The following ADAMTSL3 variants were observed in gnomAD, a reference collection of about 807,000 sequenced individuals.
The protein encoded by ADAMTSL3 is ADAMTS like 3.
In ADAMTSL3, 128 loss-of-function variants were observed where a neutral mutation model predicts 201.7. The observed-to-expected ratio is 0.63, with a 90% CI of 0.55 to 0.73. The LOEUF is 0.73. Among genes scored for constraint, ADAMTSL3 ranks in the 30% least tolerant of loss-of-function variants. ADAMTSL3 has a pLI of 0.00. For missense variants in ADAMTSL3, 1,990 were observed against 2,119.6 expected (o/e 0.94, Z 1.20); for synonymous variants, 738 against 748.4 (o/e 0.99, Z 0.23).
intron 6 of ADAMTSL3, among the ~76,000 whole-genome samples, chr15:83,834,306 C>G (rs2064218333): frequency 6.6e-6 from 1 of 152,154 alleles, no homozygotes; most frequent in Non-Finnish European, 1.5e-5. Flanking sequence ...TAGTTAATGA[C>G]CACACCTAAC....
In ADAMTSL3 at chr15:83,774,851, C is replaced by CT. The variant is rs60612296; in HGVS notation, c.317+1215dup. 6.3e-3 allele frequency among the ~76,000 whole-genome samples: 841 copies of CT among 133,750 alleles called. 3 individuals carry two copies. The highest frequency in any genetic ancestry group is 7.8e-3 in the African/African-American group (286 of 36,488). The allele number at this position is 133,750 out of a possible 152,430, so 87.7% of individuals were successfully genotyped here. ...ACACCCTGTGGGCAAGGGGAGGAGG[C>CT]TTTTTTTTTTTTTTGGAGATGGAGT... On this transcript the variant is annotated intron_variant, in intron 4 of 29. Coordinates refer to ENST00000286744, the MANE Select transcript of ADAMTSL3 (RefSeq NM_207517.3).
chr15:83,747,333 G>A (rs2062562505), intron 3 of ADAMTSL3, among the ~76,000 whole-genome samples: 1 of 152,200 alleles, frequency 6.6e-6, no homozygotes, highest in African/African-American at 2.4e-5. Flanking sequence ...CTTGGGAAGA[G>A]TGTTGAAACA....
At position 83,897,906 on chromosome 15, in the gene ADAMTSL3, A is replaced by G. The variant is rs752139651; in HGVS notation, c.1516A>G (p.Ile506Val). 25 of 1,613,808 alleles carry G rather than the reference A, an allele frequency of 1.5e-5. No individual in the cohort carries two copies. The East Asian group carries it at 4.5e-4, about 29-fold the overall frequency. Residue 506 changes from isoleucine (I) to valine (V), a missense_variant, in exon 14 of 30, where the codon ATT (isoleucine) becomes GTT (valine). Coordinates refer to ENST00000286744, the MANE Select transcript of ADAMTSL3 (RefSeq NM_207517.3). ...RGLRYRVVLC[I>V]NHRGEHVGGC... ...GTTACGGTACCGGGTTGTTCTGTGT[A>G]TTAACCACCGCGGAGAGCATGTTGG...
chr15:83,798,060 A>G (rs2063456257), intron 4 of ADAMTSL3, among the ~76,000 whole-genome samples: 1 of 152,192 alleles, frequency 6.6e-6, no homozygotes, highest in Non-Finnish European at 1.5e-5. Context: ...TTAGAGTTAC[A>G]TCTGTTAACG....
chr15:83,954,898 T>G (rs76276981), intron 19 of ADAMTSL3, among the ~76,000 whole-genome samples: 1 of 152,202 alleles, frequency 6.6e-6, no homozygotes, highest in Non-Finnish European at 1.5e-5. Context: ...ATTGGGGTGA[T>G]GCAAGCACCC....
At chr15:83,909,055 C>T (rs561431995) in intron 15 of ADAMTSL3, among the ~76,000 whole-genome samples, 1 of 152,346 alleles carries the variant, frequency 6.6e-6, no homozygotes, top group African/African-American at 2.4e-5. Context: ...TCTCATCCAT[C>T]TTTGAGCCAG....
chr15:83,699,358 T>C (rs2061734979), intron 2 of ADAMTSL3, among the ~76,000 whole-genome samples: 1 of 152,142 alleles, frequency 6.6e-6, no homozygotes, highest in Admixed American at 6.5e-5. Context: ...CAGCCATTGC[T>C]CAAGCCAAAA....
At position 83,771,090 on chromosome 15, in the gene ADAMTSL3, C is replaced by T. The variant is rs142496210; in HGVS notation, c.190-2433C>T. ...TATGTCAAAAACAAAACAAAACAAA[C>T]AAAAAGCCCACAAAACATTTGTCAC... On this transcript the variant is annotated intron_variant, in intron 3 of 29. Transcript: ENST00000286744. Among the ~76,000 whole-genome samples the T allele has an allele frequency of 4.8e-3, 731 of 151,538 alleles. 3 individuals are homozygous for T. Among genetic ancestry groups the T allele is most frequent in the Non-Finnish European group, 7.7e-3 (526 of 67,922 alleles).
intron 2 of ADAMTSL3, among the ~76,000 whole-genome samples, chr15:83,688,280 A>G (rs2061563952): frequency 6.6e-6 from 1 of 152,220 alleles, no homozygotes; most frequent in Non-Finnish European, 1.5e-5. Flanking sequence ...TGGAGTTGCC[A>G]CATTATATTA....
At chr15:83,774,300 A>C (rs573752292) in intron 4 of ADAMTSL3, among the ~76,000 whole-genome samples, 1 of 152,350 alleles carries the variant, frequency 6.6e-6, no homozygotes, top group Non-Finnish European at 1.5e-5. Flanking sequence ...AGATTATGTC[A>C]GTCATCTTCA....
chr15:83,836,763 C>G (rs902114020), intron 6 of ADAMTSL3, among the ~76,000 whole-genome samples: 1 of 152,132 alleles, frequency 6.6e-6, no homozygotes, highest in African/African-American at 2.4e-5. Context: ...ATTATTATCT[C>G]TATTTTACTG....
At chr15:84,021,714 G>T in intron 26 of ADAMTSL3, 121 bp downstream of exon 26, 1 of 1,050,452 alleles carries the variant, frequency 9.5e-7, no homozygotes. Flanking sequence ...TGTATACTAG[G>T]CATCCTGCTA....
chr15:83,881,918 C>T (rs1310282988), intron 9 of ADAMTSL3, among the ~76,000 whole-genome samples: 4 of 151,694 alleles, frequency 2.6e-5, no homozygotes, highest in Non-Finnish European at 4.4e-5. Flanking sequence ...CTTTGGGAAG[C>T]GGAGGTGGGC....
intron 15 of ADAMTSL3, among the ~76,000 whole-genome samples, chr15:83,909,167 T>C (rs2065891855): frequency 6.6e-6 from 1 of 152,206 alleles, no homozygotes; most frequent in African/African-American, 2.4e-5. Flanking sequence ...TTTAAGGATG[T>C]CTGTGATTAG....
At chr15:83,704,804 C>A (rs2061824818) in intron 3 of ADAMTSL3, among the ~76,000 whole-genome samples, 1 of 152,172 alleles carries the variant, frequency 6.6e-6, no homozygotes, top group African/African-American at 2.4e-5. Flanking sequence ...TGATTCAATT[C>A]TGAAATTATC....
chr15:83,733,799 A>G (rs534620139), intron 3 of ADAMTSL3, among the ~76,000 whole-genome samples: 1 of 152,298 alleles, frequency 6.6e-6, no homozygotes, highest in Admixed American at 6.5e-5. Flanking sequence ...TGAATTTCTT[A>G]TGAATAAAAA....
rs6602987 is a variant in ADAMTSL3, at chr15:83,779,417, G to C, written c.317+5767G>C. Reference sequence around the variant, plus strand: ...AACTGAAATCATAAAAAACAATCTCGGCTGGGTGCAGTGGCTCATGCCTGT... The same window carrying C: ...AACTGAAATCATAAAAAACAATCTCCGCTGGGTGCAGTGGCTCATGCCTGT... On this transcript the variant is annotated intron_variant, in intron 4 of 29. Transcript: ENST00000286744. 5.6e-4 allele frequency among the ~76,000 whole-genome samples: 85 copies of C among 151,876 alleles called. No individual in the cohort carries two copies. The South Asian group carries it at 0.016, about 28-fold the overall frequency.
rs561082332 is a variant in ADAMTSL3 at position 83,824,244 on chromosome 15, C to T, written c.600+4197C>T. Among the ~76,000 whole-genome samples, 69 of 151,870 alleles carry T rather than the reference C, an allele frequency of 4.5e-4. No homozygotes were observed. In the South Asian group the frequency reaches 0.012, roughly 27 times the overall value. The stretch of plus-strand genomic sequence containing the variant: ...TTGATTTTTGTAGAGATGGGGGTCT[C>T]GCTATGTTACTCAGCTGGCCTTGAG... On this transcript the variant is annotated intron_variant, in intron 6 of 29. Transcript: ENST00000286744.
At chr15:83,932,023 A>G (rs990252337) in intron 17 of ADAMTSL3, among the ~76,000 whole-genome samples, 2 of 152,258 alleles carry the variant, frequency 1.3e-5, no homozygotes, top group Non-Finnish European at 1.5e-5. Flanking sequence ...GAAACTACAG[A>G]AAATCAGGGA....
Sources: allele counts gnomAD v4.1 joint callset (sites outside exome capture counted in the v4.1 genomes callset), GRCh38; gene constraint gnomAD v4.1.1; transcripts MANE v1.5; gene names NCBI Gene and HGNC (gene_info 2026-07-23, HGNC 2026-07-21).